DOCK7: variants seen among roughly 807,000 people sequenced by gnomAD.
DOCK7 encodes the protein dedicator of cytokinesis protein 7.
Under a neutral mutation model 271.0 loss-of-function variants are expected in DOCK7, and 138 were observed. That is an observed-to-expected ratio of 0.51 (90% CI 0.44 to 0.59). The LOEUF (loss-of-function observed/expected upper bound fraction) is 0.59, where lower values mean the gene tolerates loss of function less well. DOCK7 is among the 20% of genes least tolerant of loss of function. The pLI, the probability that DOCK7 is intolerant of heterozygous loss-of-function variation, is 0.00. For synonymous variants in DOCK7, 823 were observed against 876.1 expected (o/e 0.94, Z 1.07); for missense variants, 2,066 against 2,592.4 (o/e 0.80, Z 4.41).
intron 7 of DOCK7, among the ~76,000 whole-genome samples, chr1:62,642,113 C>CTTT (rs34048472): frequency 1.4e-5 from 2 of 139,446 alleles, no homozygotes; most frequent in South Asian, 2.3e-4. Flanking sequence ...TTTACTTTTT[C>CTTT]TTTTTTTTTT....
At chr1:62,638,673 A>T (rs1043663707) in intron 7 of DOCK7, among the ~76,000 whole-genome samples, 2 of 149,278 alleles carry the variant, frequency 1.3e-5, no homozygotes, top group African/African-American at 4.9e-5. Flanking sequence ...TCATGAATAT[A>T]TATATATAGA....
At chr1:62,685,997 G>C (rs1644168942) in intron 1 of DOCK7, among the ~76,000 whole-genome samples, 1 of 152,024 alleles carries the variant, frequency 6.6e-6, no homozygotes, top group African/African-American at 2.4e-5. Context: ...TTTCTCTTGT[G>C]GTTTGTCCTA....
intron 48 of DOCK7, among the ~76,000 whole-genome samples, chr1:62,463,483 C>T (rs1571182344): frequency 6.6e-6 from 1 of 152,204 alleles, no homozygotes; most frequent in Middle Eastern, 3.4e-3. Context: ...ATCTCTTGTA[C>T]ATGTATGTCC....
At chr1:62,541,369 T>C (rs1330382459) in intron 25 of DOCK7, among the ~76,000 whole-genome samples, 2 of 152,214 alleles carry the variant, frequency 1.3e-5, no homozygotes, top group African/African-American at 4.8e-5. Flanking sequence ...TGTTTACATA[T>C]ACAAGTTTAT....
rs751696963 is a variant in DOCK7 at position 62,663,127 on chromosome 1, C to T, written c.42G>A (p.Thr14=). 23 of 1,606,680 alleles carry T rather than the reference C, an allele frequency of 1.4e-5. No homozygotes were observed. Among genetic ancestry groups the T allele is most frequent in the Non-Finnish European group, 1.9e-5 (22 of 1,176,662 alleles). The change falls in exon 2 of 50, where the codon ACG becomes ACA. Residue 14 remains threonine, a synonymous_variant. Coordinates refer to ENST00000635253, the MANE Select transcript of DOCK7 (RefSeq NM_001367561.1). ...RRAFAQKISR[T]VAAEVRKQIS... is the part of the protein sequence containing the mutation. The stretch of plus-strand genomic sequence containing the variant: ...TCTGCTTCCTAACTTCGGCTGCCAC[C>T]GTTCTACAATGAAGAAAGCAAAAAC...
chr1:62,648,214 G>A lies in DOCK7; in HGVS notation c.624C>T (p.Pro208=), dbSNP rs200197066. Residue 208 remains proline (P), a synonymous_variant, in exon 6 of 50, where the codon CCC becomes CCT. Coordinates refer to ENST00000635253, the MANE Select transcript of DOCK7 (RefSeq NM_001367561.1). ...CATTTGGAGTTCGATCAAGTAAATT[G>A]GGAAGCAAAGCATCAGGAAGTGAAT... ...LKNSLPDALL[P]NLLDRTPNEE... 6.8e-6 allele frequency: 11 copies of A among 1,613,560 alleles called. No individual in the cohort carries two copies. The highest frequency in any genetic ancestry group is 9.3e-6 in the Non-Finnish European group (11 of 1,179,718).
intron 40 of DOCK7, 113 bp downstream of exon 40, chr1:62,494,162 G>T: frequency 2.2e-6 from 2 of 917,040 alleles, no homozygotes; most frequent in Non-Finnish European, 3.1e-6. Context: ...GTGAAGCATT[G>T]GCTTAAGTCT....
At chr1:62,674,283 A>T (rs1471924397) in intron 1 of DOCK7, among the ~76,000 whole-genome samples, 1 of 152,102 alleles carries the variant, frequency 6.6e-6, no homozygotes. Flanking sequence ...CTGAAGAGAG[A>T]AATTAAATAA....
chr1:62,639,426 CTTTTTTTTTTT>C (rs386367151), intron 7 of DOCK7, among the ~76,000 whole-genome samples: 25 of 75,880 alleles, frequency 3.3e-4, no homozygotes, highest in African/African-American at 1.1e-3. Context: ...TTGTAATACT[CTTTTTTTTTTT>C]TTTTTTTTTT....
chr1:62,606,426 T>C (rs1557791875), intron 14 of DOCK7, among the ~76,000 whole-genome samples: 1 of 152,000 alleles, frequency 6.6e-6, no homozygotes, highest in Non-Finnish European at 1.5e-5. Context: ...ATACTTCTGG[T>C]AGAAGAAGAG....
At chr1:62,606,594 A>C (rs10789117) in intron 14 of DOCK7, among the ~76,000 whole-genome samples, 63,704 of 151,830 alleles carry the variant, frequency 0.42, 15,109 homozygotes, top group African/African-American at 0.65. Context: ...CTTAATAATA[A>C]GAATATCTTT....
chr1:62,567,968 A>G (rs557296220), intron 18 of DOCK7, among the ~76,000 whole-genome samples: 37 of 152,354 alleles, frequency 2.4e-4, no homozygotes, highest in African/African-American at 7.9e-4. Context: ...TCTCAGTGTC[A>G]CATTGCATTT....
At chr1:62,547,628 G>T (rs563832879) in intron 22 of DOCK7, among the ~76,000 whole-genome samples, 2 of 152,192 alleles carry the variant, frequency 1.3e-5, no homozygotes, top group South Asian at 4.1e-4. Flanking sequence ...ATATGAGAAA[G>T]AAACGTATCA....
At chr1:62,592,984 A>AG (rs1424431315) in intron 14 of DOCK7, among the ~76,000 whole-genome samples, 1 of 152,208 alleles carries the variant, frequency 6.6e-6, no homozygotes, top group African/African-American at 2.4e-5. Context: ...AATGATTAAA[A>AG]GGGGGCTGAT....
intron 14 of DOCK7, chr1:62,604,802 A>G (rs1435814872): frequency 1.9e-6 from 3 of 1,612,884 alleles, no homozygotes; most frequent in Non-Finnish European, 2.5e-6. Flanking sequence ...CAACAGATTC[A>G]GAAAGCTTTG....
Position 62,476,285 on chromosome 1 carries a change from A to C in DOCK7, c.5635-129T>G, listed in dbSNP as rs1259460793. Reference sequence around the variant, plus strand: ...CTGTACAATCATATCAATAATTAAAAGTAATGATTTAGGCTTACAAAAATT... The same window carrying C: ...CTGTACAATCATATCAATAATTAAACGTAATGATTTAGGCTTACAAAAATT... On this transcript the variant is annotated intron_variant, in intron 44 of 49. Transcript: ENST00000635253. The C allele has an allele frequency of 6.6e-6, 4 of 605,934 alleles. No homozygotes were observed. In the African/African-American group the frequency reaches 7.4e-5, roughly 11 times the overall value. The allele number at this position is 605,934 out of a possible 1,614,324, so 37.5% of individuals were successfully genotyped here.
At chr1:62,474,587 T>A (rs1645918913) in intron 47 of DOCK7, among the ~76,000 whole-genome samples, 1 of 96,070 alleles carries the variant, frequency 1.0e-5, no homozygotes, top group Non-Finnish European at 2.7e-5. Context: ...TTTGTAAAGG[T>A]CTTAAGGTAT....
At chr1:62,641,953 A>G (rs1230725576) in intron 7 of DOCK7, among the ~76,000 whole-genome samples, 1 of 151,840 alleles carries the variant, frequency 6.6e-6, no homozygotes, top group Non-Finnish European at 1.5e-5. Flanking sequence ...TATGTTTTAC[A>G]TGGATTGCCT....
chr1:62,551,757 C>T (rs1645912950), intron 22 of DOCK7, among the ~76,000 whole-genome samples: 1 of 151,614 alleles, frequency 6.6e-6, no homozygotes, highest in African/African-American at 2.4e-5. Context: ...TCTCATCTTG[C>T]AATGGCTTTC....
Sources: allele counts gnomAD v4.1 joint callset (sites outside exome capture counted in the v4.1 genomes callset), GRCh38; gene constraint gnomAD v4.1.1; transcripts MANE v1.5; gene names NCBI Gene and HGNC (gene_info 2026-07-23, HGNC 2026-07-21).